The following SLX4IP variants were observed in gnomAD, a reference collection of about 807,000 sequenced individuals.
The protein encoded by SLX4IP is SLX4 interacting protein.
A neutral mutation model predicts 32.9 loss-of-function variants in SLX4IP; 34 were observed. That is an observed-to-expected ratio of 1.03 (90% CI 0.79 to 1.38). The LOEUF (loss-of-function observed/expected upper bound fraction) is 1.38. SLX4IP is among the 40% of genes most tolerant of loss of function. The probability of loss-of-function intolerance (pLI) is 0.00; values close to 1 mark genes in which losing one functional copy is unlikely to be tolerated. For missense variants in SLX4IP, 444 were observed against 479.0 expected, an observed-to-expected ratio of 0.93 and a Z score of 0.68; for synonymous variants, 172 against 171.7, an observed-to-expected ratio of 1.00 and a Z score of -0.01.
chr20:10,617,440 G>A (rs1375958856), intron 6 of SLX4IP, among the ~76,000 whole-genome samples: 2 of 152,076 alleles, frequency 1.3e-5, no homozygotes, highest in African/African-American at 4.8e-5. Flanking sequence ...GAGGAGGTTG[G>A]AAGCTCAAGA....
At chr20:10,524,636 G>C (rs2065926816) in intron 2 of SLX4IP, among the ~76,000 whole-genome samples, 1 of 152,146 alleles carries the variant, frequency 6.6e-6, no homozygotes. Context: ...TTGACCTGTG[G>C]GGATACAGGA....
intron 4 of SLX4IP, among the ~76,000 whole-genome samples, chr20:10,597,114 C>T (rs556040584): frequency 5.9e-5 from 9 of 152,156 alleles, no homozygotes; most frequent in Non-Finnish European, 1.2e-4. Context: ...ACAGGAGTGT[C>T]GGAAGGATAC....
intron 2 of SLX4IP, among the ~76,000 whole-genome samples, chr20:10,491,989 A>G (rs935293208): frequency 6.6e-6 from 1 of 152,238 alleles, no homozygotes; most frequent in Non-Finnish European, 1.5e-5. Flanking sequence ...TAAATGGTAC[A>G]TGCTGTGCAT....
chr20:10,536,308 G>A (rs979428256), intron 2 of SLX4IP, among the ~76,000 whole-genome samples: 8 of 151,624 alleles, frequency 5.3e-5, no homozygotes, highest in Admixed American at 6.6e-5. Context: ...CAGGAGGATC[G>A]CTTGAGCCCA....
At position 10,435,426 on chromosome 20, in the gene SLX4IP, C is replaced by G. The variant is rs2065101079; in HGVS notation, c.-57C>G. ...TGGACAGTAACAAAACATATAAAGC[C>G]CGAGCCCAAACCCCGCCACCATCAT... On this transcript the variant is annotated 5_prime_UTR_variant, in exon 1 of 8. Transcript: ENST00000334534. 1 of 152,220 alleles carries G rather than the reference C, an allele frequency of 6.6e-6. No homozygotes were observed. The highest frequency in any genetic ancestry group is 2.1e-4 in the South Asian group (1 of 4,834). The allele number at this position is 152,220 out of a possible 1,614,324, so 9.4% of individuals were successfully genotyped here. A position where few individuals can be genotyped will look rare whatever the true frequency, so the allele number is the denominator to read the frequency against.
At chr20:10,437,788 G>A (rs1401617264) in intron 1 of SLX4IP, among the ~76,000 whole-genome samples, 1 of 152,188 alleles carries the variant, frequency 6.6e-6, no homozygotes, top group East Asian at 1.9e-4. Flanking sequence ...AATATTCATT[G>A]CTTCTAGTAT....
At chr20:10,534,419 G>A (rs1214954234) in intron 2 of SLX4IP, among the ~76,000 whole-genome samples, 1 of 152,142 alleles carries the variant, frequency 6.6e-6, no homozygotes, top group African/African-American at 2.4e-5. Context: ...CACAGAAGCA[G>A]GAAAAATTGC....
At chr20:10,437,828 G>A (rs1232726009) in intron 1 of SLX4IP, among the ~76,000 whole-genome samples, 2 of 152,220 alleles carry the variant, frequency 1.3e-5, no homozygotes, top group African/African-American at 4.8e-5. Context: ...TGTGGCAGTA[G>A]AACATGATGG....
intron 2 of SLX4IP, among the ~76,000 whole-genome samples, chr20:10,476,776 A>AT (rs1215847261): frequency 5.3e-5 from 8 of 152,226 alleles, no homozygotes; most frequent in Non-Finnish European, 1.0e-4. Flanking sequence ...GTGTGTGTAG[A>AT]TAAAAAAAAC....
Position 10,500,482 on chromosome 20 carries a change from G to C in SLX4IP, c.27+42251G>C, listed in dbSNP as rs556834817. On this transcript the variant is annotated intron_variant, in intron 2 of 7. Coordinates refer to ENST00000334534, the MANE Select transcript of SLX4IP (RefSeq NM_001009608.3). Reference sequence around the variant, plus strand: ...GGAAAAAGATGGGGCCAGGCATGGTGGCTCATACCTATAGTTCTAGCACTT... The same window carrying C: ...GGAAAAAGATGGGGCCAGGCATGGTCGCTCATACCTATAGTTCTAGCACTT... Among the ~76,000 whole-genome samples, 19 of 152,256 alleles carry C rather than the reference G, an allele frequency of 1.2e-4. No individual in the cohort carries two copies. The South Asian group carries it at 3.9e-3, about 32-fold the overall frequency.
intron 2 of SLX4IP, among the ~76,000 whole-genome samples, chr20:10,473,456 AAC>A (rs2065444048): frequency 6.6e-6 from 1 of 152,248 alleles, no homozygotes; most frequent in African/African-American, 2.4e-5. Context: ...AGTACCAAGT[AAC>A]CATTTTAGTA....
At chr20:10,615,207 C>T (rs1274306292) in intron 6 of SLX4IP, among the ~76,000 whole-genome samples, 1 of 152,072 alleles carries the variant, frequency 6.6e-6, no homozygotes, top group Non-Finnish European at 1.5e-5. Flanking sequence ...TCCCTTGACC[C>T]CATCTCAGGT....
At chr20:10,519,846 A>G (rs2122447144) in intron 2 of SLX4IP, among the ~76,000 whole-genome samples, 1 of 152,322 alleles carries the variant, frequency 6.6e-6, no homozygotes, top group East Asian at 1.9e-4. Flanking sequence ...CCAGCCACGT[A>G]TGATGGTTCC....
intron 6 of SLX4IP, among the ~76,000 whole-genome samples, chr20:10,615,604 G>T (rs1181614185): frequency 2.0e-5 from 3 of 152,130 alleles, no homozygotes; most frequent in African/African-American, 7.2e-5. Flanking sequence ...TTACCTGCCT[G>T]CTCAGCACCT....
At chr20:10,574,980 T>A (rs888586616) in intron 4 of SLX4IP, among the ~76,000 whole-genome samples, 2 of 151,808 alleles carry the variant, frequency 1.3e-5, no homozygotes, top group Non-Finnish European at 2.9e-5. Flanking sequence ...ACCGCAAGAC[T>A]TTTTTTTAAT....
chr20:10,436,657 G>A (rs1410866453), intron 1 of SLX4IP, among the ~76,000 whole-genome samples: 1 of 152,086 alleles, frequency 6.6e-6, no homozygotes, highest in Non-Finnish European at 1.5e-5. Context: ...GCCCGGCCTG[G>A]CCCATTCTTT....
chr20:10,615,885 GGCCCTTT>G (rs1165719312), intron 6 of SLX4IP, among the ~76,000 whole-genome samples: 1 of 152,040 alleles, frequency 6.6e-6, no homozygotes, highest in African/African-American at 2.4e-5. Context: ...CCTTCCTTCA[GGCCCTTT>G]TATAAAAACA....
chr20:10,462,416 A>G (rs6108592), intron 2 of SLX4IP, among the ~76,000 whole-genome samples: 7,068 of 152,312 alleles, frequency 0.046, 529 homozygotes, highest in African/African-American at 0.16. Flanking sequence ...GGGAATTTAG[A>G]GAAGAACTTA....
At chr20:10,584,291 A>G (rs530694631) in intron 4 of SLX4IP, among the ~76,000 whole-genome samples, 14 of 152,234 alleles carry the variant, frequency 9.2e-5, no homozygotes, top group Non-Finnish European at 1.9e-4. Flanking sequence ...TCAGTAGTTT[A>G]GGCCTTGAGT....
Sources: allele counts gnomAD v4.1 joint callset (sites outside exome capture counted in the v4.1 genomes callset), GRCh38; gene constraint gnomAD v4.1.1; transcripts MANE v1.5; gene names NCBI Gene and HGNC (gene_info 2026-07-23, HGNC 2026-07-21).